Variants in HPN observed in about 807,000 individuals in gnomAD.
HPN encodes serine protease hepsin.
A neutral mutation model predicts 55.9 loss-of-function variants in HPN; 13 were observed. The observed-to-expected ratio is 0.23, with a 90% CI of 0.15 to 0.37. The LOEUF is 0.37. Ranked by LOEUF, HPN falls within the 10% of genes least tolerant of loss-of-function variation. The pLI is 1.00. For missense variants in HPN, 451 were observed against 575.8 expected (o/e 0.78, Z 2.22); for synonymous variants, 225 against 240.3 (o/e 0.94, Z 0.59).
chr19:35,042,224 G>C lies in HPN; in HGVS notation c.-54-229G>C. 2.3e-6 allele frequency: 3 copies of C among 1,304,386 alleles called. No individual in the cohort carries two copies. In the South Asian group the frequency reaches 5.5e-5, roughly 24 times the overall value. 80.8% of individuals were successfully genotyped at this position (1,304,386 alleles called of 1,614,324 possible). A position where few individuals can be genotyped will look rare whatever the true frequency, so the allele number is the denominator to read the frequency against. ...GGATCCTCAGTCCCCTGCTCCACCA[G>C]GCTCAGGCATGGGGGTCCCCATCCC... On this transcript the variant is annotated intron_variant, in intron 1 of 12. Coordinates refer to ENST00000672452, the MANE Select transcript of HPN (RefSeq NM_001384133.1).
Position 35,066,511 on chromosome 19 carries a change from A to T in HPN, c.*224A>T. The T allele has an allele frequency of 1.7e-6, 1 of 578,590 alleles. No homozygotes were observed. The highest frequency in any genetic ancestry group is 3.0e-6 in the Non-Finnish European group (1 of 330,458). 35.8% of individuals were successfully genotyped at this position (578,590 alleles called of 1,614,324 possible). Reference sequence around the variant, plus strand: ...TGTAAATATTGTTCTGCTGTCTGGGACTCCTGTCTAGGTGCCCCTGATGAC... The same window carrying T: ...TGTAAATATTGTTCTGCTGTCTGGGTCTCCTGTCTAGGTGCCCCTGATGAC... On this transcript the variant is annotated 3_prime_UTR_variant, in exon 13 of 13. Transcript: ENST00000672452.
At chr19:35,051,796 C>T (rs964708890) in intron 4 of HPN, among the ~76,000 whole-genome samples, 2 of 152,218 alleles carry the variant, frequency 1.3e-5, no homozygotes, top group Non-Finnish European at 2.9e-5. Context: ...GCTGTTACAT[C>T]CCAACATTTT....
intron 9 of HPN, among the ~76,000 whole-genome samples, chr19:35,061,715 A>T (rs1041377025): frequency 2.0e-5 from 3 of 152,186 alleles, no homozygotes; most frequent in African/African-American, 7.2e-5. Context: ...ACTTGAGAAC[A>T]GTGCTGAATG....
rs369625763 is a variant in HPN at position 35,048,026 on chromosome 19, G to GAA, written c.17-1260_17-1259dup. 9.0e-5 allele frequency among the ~76,000 whole-genome samples: 5 copies of GAA among 55,568 alleles called. No individual in the cohort carries two copies. The South Asian group carries it at 1.6e-3, about 18-fold the overall frequency. 36.5% of individuals were successfully genotyped at this position (55,568 alleles called of 152,430 possible). ...AAAGAAAAAGAAAGAGAGAGAGAGAGAAAAAGAAAGAAAGAAAGAAAGAAA... is the reference window on the plus strand; with the variant it reads ...AAAGAAAAAGAAAGAGAGAGAGAGAGAAAAAAAGAAAGAAAGAAAGAAAGAAA... On this transcript the variant is annotated intron_variant, in intron 2 of 12. Coordinates refer to ENST00000672452, the MANE Select transcript of HPN (RefSeq NM_001384133.1).
At chr19:35,055,788 TA>T (rs2064449095) in intron 4 of HPN, among the ~76,000 whole-genome samples, 1 of 152,082 alleles carries the variant, frequency 6.6e-6, no homozygotes, top group African/African-American at 2.4e-5. Context: ...TGGAGGGTCT[TA>T]AAACCTGGCT....
upstream of HPN, among the ~76,000 whole-genome samples, chr19:35,041,390 G>A (rs1159920272): frequency 1.3e-5 from 2 of 152,066 alleles, no homozygotes; most frequent in Non-Finnish European, 2.9e-5. Context: ...CAGAAAGGGC[G>A]GGGGGAAGGG....
At chr19:35,056,579 C>T (rs746917079) in intron 4 of HPN, among the ~76,000 whole-genome samples, 1 of 152,186 alleles carries the variant, frequency 6.6e-6, no homozygotes, top group African/African-American at 2.4e-5. Context: ...CATGAACAGT[C>T]TCCCGGGAGC....
Position 35,041,852 on chromosome 19 carries a change from C to T in HPN, c.-75C>T, listed in dbSNP as rs777091805. ...CCCCGGCACTACCTCGAGGCTCCGC[C>T]CCCACCTGCTGGACCCCAGGGTAAG... is the stretch of plus-strand genomic sequence containing the variant. On this transcript the variant is annotated 5_prime_UTR_variant, in exon 1 of 13. Coordinates refer to ENST00000672452, the MANE Select transcript of HPN (RefSeq NM_001384133.1). The T allele has an allele frequency of 1.7e-5, 23 of 1,342,876 alleles. No individual in the cohort carries two copies. The highest frequency in any genetic ancestry group is 1.5e-4 in the South Asian group (13 of 86,652). 83.2% of individuals were successfully genotyped at this position (1,342,876 alleles called of 1,614,324 possible). A position where few individuals can be genotyped will look rare whatever the true frequency, so the allele number is the denominator to read the frequency against.
At chr19:35,061,726 A>G (rs1185893489) in intron 9 of HPN, among the ~76,000 whole-genome samples, 1 of 152,178 alleles carries the variant, frequency 6.6e-6, no homozygotes, top group African/African-American at 2.4e-5. Context: ...GTGCTGAATG[A>G]GACAAGCCAG....
At chr19:35,043,794 C>T (rs937827867) in intron 2 of HPN, among the ~76,000 whole-genome samples, 12 of 152,186 alleles carry the variant, frequency 7.9e-5, no homozygotes, top group East Asian at 5.8e-4. Flanking sequence ...CTGGAGCTGC[C>T]GGAAGGACAG....
chr19:35,060,510 G>T lies in HPN; in HGVS notation c.618G>T (p.Pro206=). Reference sequence around the variant, plus strand: ...TGCTGACAGCCGCCCACTGCTTCCCGGAGTGAGTGCCCCCCAATGGCGCTG... The same window carrying T: ...TGCTGACAGCCGCCCACTGCTTCCCTGAGTGAGTGCCCCCCAATGGCGCTG... ...DWVLTAAHCF[P]ERNRVLSRWR... The change falls in exon 8 of 13, where the codon CCG becomes CCT. Residue 206 remains proline (P), a splice_region_variant and synonymous_variant. Coordinates refer to ENST00000672452, the MANE Select transcript of HPN (RefSeq NM_001384133.1). The T allele has an allele frequency of 1.2e-6, 2 of 1,612,562 alleles. No individual in the cohort carries two copies. Among genetic ancestry groups the T allele is most frequent in the South Asian group, 1.1e-5 (1 of 91,056 alleles).
intron 9 of HPN, among the ~76,000 whole-genome samples, chr19:35,064,654 G>A (rs1038613335): frequency 6.6e-6 from 1 of 152,038 alleles, no homozygotes; most frequent in Admixed American, 6.5e-5. Flanking sequence ...AAACATACAT[G>A]TTATGAAACT....
At chr19:35,061,489 G>A (rs2064531925) in intron 9 of HPN, among the ~76,000 whole-genome samples, 1 of 152,206 alleles carries the variant, frequency 6.6e-6, no homozygotes, top group African/African-American at 2.4e-5. Context: ...AGCTACTCGG[G>A]AGGATGAGGC....
At chr19:35,053,895 C>T (rs1394187526) in intron 4 of HPN, among the ~76,000 whole-genome samples, 6 of 152,198 alleles carry the variant, frequency 3.9e-5, no homozygotes, top group Non-Finnish European at 8.8e-5. Flanking sequence ...GCCCCAACCC[C>T]AGAGCAGGAG....
chr19:35,065,235 T>G lies in HPN; in HGVS notation c.812-15T>G. ...CAGGCCAGCGGGGGCTGGACCAGCA[T>G]TGTCTCTCTCACAGAATACATCCAG... On this transcript the variant is annotated splice_polypyrimidine_tract_variant and intron_variant, in intron 9 of 12. Coordinates refer to ENST00000672452, the MANE Select transcript of HPN (RefSeq NM_001384133.1). The G allele has an allele frequency of 6.2e-7, 1 of 1,600,784 alleles. No homozygotes were observed. Among genetic ancestry groups the G allele is most frequent in the Non-Finnish European group, 8.5e-7 (1 of 1,170,344 alleles).
intron 7 of HPN, 51 bp downstream of exon 7, chr19:35,060,220 C>T (rs779097519): frequency 1.2e-5 from 20 of 1,610,578 alleles, no homozygotes; most frequent in South Asian, 9.9e-5. Flanking sequence ...GGGGAGGCCA[C>T]GTCCCCTCAA....
chr19:35,041,685 C>CCCAAAA, upstream of HPN: 7 of 1,090,508 alleles, frequency 6.4e-6, no homozygotes, highest in African/African-American at 1.7e-5. Flanking sequence ...CCTCCCCGCC[C>CCCAAAA]CTTCACCCGC....
intron 4 of HPN, 85 bp from the exon 5 acceptor site, chr19:35,059,588 C>A: frequency 6.6e-7 from 1 of 1,517,342 alleles, no homozygotes; most frequent in Non-Finnish European, 8.9e-7. Context: ...GGCTGGAGCA[C>A]AGGCCAGGAG....
intron 4 of HPN, among the ~76,000 whole-genome samples, chr19:35,057,587 A>G (rs2064468645): frequency 6.6e-6 from 1 of 152,192 alleles, no homozygotes; most frequent in Admixed American, 6.5e-5. Flanking sequence ...ATTTAATTTA[A>G]AGATATAAAT....
Sources: allele counts gnomAD v4.1 joint callset (sites outside exome capture counted in the v4.1 genomes callset), GRCh38; gene constraint gnomAD v4.1.1; transcripts MANE v1.5; gene names NCBI Gene and HGNC (gene_info 2026-07-23, HGNC 2026-07-21).